MRPS27: variants seen among roughly 807,000 people sequenced by gnomAD.
The protein encoded by MRPS27 is mitochondrial ribosomal protein S27.
A neutral mutation model predicts 48.9 loss-of-function variants in MRPS27; 43 were observed. That is an observed-to-expected ratio of 0.88 (90% confidence interval 0.69 to 1.13). The LOEUF (loss-of-function observed/expected upper bound fraction) is 1.13. Ranked by LOEUF, MRPS27 falls within the 50% of genes most tolerant of loss-of-function variation. MRPS27 has a pLI of 0.00. For missense variants in MRPS27, 467 were observed against 476.3 expected (o/e 0.98, Z 0.18); for synonymous variants, 188 against 171.9 (o/e 1.09, Z -0.73).
Position 72,237,694 on chromosome 5 carries a change from A to G in MRPS27, c.396+320T>C, listed in dbSNP as rs537436666. Among the ~76,000 whole-genome samples the G allele has an allele frequency of 5.9e-5, 9 of 152,232 alleles. No homozygotes were observed. The South Asian group carries it at 1.7e-3, about 28-fold the overall frequency. The stretch of plus-strand genomic sequence containing the variant: ...AGCAACATGGTCATGTTTTTCCCCT[A>G]TACTTCACCAGAAGGAAACAGGCAA... On this transcript the variant is annotated intron_variant, in intron 5 of 10. Coordinates refer to ENST00000261413, the MANE Select transcript of MRPS27 (RefSeq NM_015084.3).
intron 5 of MRPS27, among the ~76,000 whole-genome samples, chr5:72,236,475 A>G (rs1032946360): frequency 6.6e-6 from 1 of 152,158 alleles, no homozygotes; most frequent in Non-Finnish European, 1.5e-5. Flanking sequence ...GAAGCAGCAA[A>G]AATTCTAGAC....
At chr5:72,311,484 T>C (rs912454179) in intron 2 of MRPS27, among the ~76,000 whole-genome samples, 3 of 152,230 alleles carry the variant, frequency 2.0e-5, no homozygotes, top group African/African-American at 7.2e-5. Context: ...CAGTGGATCA[T>C]AAGGGCTCTC....
chr5:72,258,037 CAG>C (rs1748858157), intron 4 of MRPS27, among the ~76,000 whole-genome samples: 1 of 140,608 alleles, frequency 7.1e-6, no homozygotes, highest in Admixed American at 7.8e-5. Context: ...TGAGCCACGA[CAG>C]GGCCACTGCA....
intron 4 of MRPS27, among the ~76,000 whole-genome samples, chr5:72,250,461 C>A (rs776963474): frequency 6.6e-6 from 1 of 152,094 alleles, no homozygotes; most frequent in Non-Finnish European, 1.5e-5. Flanking sequence ...AAAGAAGTGA[C>A]AAAATTACTG....
rs543278627 is a variant in MRPS27, at chr5:72,297,238, A to G, written c.222+394T>C. 7.9e-5 allele frequency among the ~76,000 whole-genome samples: 12 copies of G among 152,356 alleles called. No individual in the cohort carries two copies. The South Asian group carries it at 2.3e-3, about 29-fold the overall frequency. ...TCCACCCATCACTCTGCTGCAGTTT[A>G]ACTTTAACATTAATATCCATTCTTT... On this transcript the variant is annotated intron_variant, in intron 3 of 10. Coordinates refer to ENST00000261413, the MANE Select transcript of MRPS27 (RefSeq NM_015084.3).
At chr5:72,271,586 C>A (rs537405064) in intron 4 of MRPS27, among the ~76,000 whole-genome samples, 1 of 152,168 alleles carries the variant, frequency 6.6e-6, no homozygotes, top group African/African-American at 2.4e-5. Context: ...AATGTGTGAT[C>A]CTGGTTTGGA....
At chr5:72,318,876 A>C (rs1750647013) in intron 1 of MRPS27, among the ~76,000 whole-genome samples, 1 of 151,962 alleles carries the variant, frequency 6.6e-6, no homozygotes, top group African/African-American at 2.4e-5. Flanking sequence ...CACGGAAACC[A>C]CATAAACAGA....
At chr5:72,269,020 A>G (rs1042323842) in intron 4 of MRPS27, among the ~76,000 whole-genome samples, 3 of 152,190 alleles carry the variant, frequency 2.0e-5, no homozygotes, top group East Asian at 3.8e-4. Flanking sequence ...GATGGGGAGA[A>G]GGAGGGAAGG....
At chr5:72,291,510 C>T (rs547775321) in intron 4 of MRPS27, among the ~76,000 whole-genome samples, 165 of 152,222 alleles carry the variant, frequency 1.1e-3, no homozygotes, top group African/African-American at 3.9e-3. Flanking sequence ...GGTTTAATTA[C>T]TAACATAATT....
In MRPS27 at chr5:72,274,306, A is replaced by G. The variant is rs373707872; in HGVS notation, c.281+21225T>C. 5.8e-4 allele frequency among the ~76,000 whole-genome samples: 88 copies of G among 152,360 alleles called. 1 individual carries two copies. The South Asian group carries it at 0.015, about 27-fold the overall frequency. On this transcript the variant is annotated intron_variant, in intron 4 of 10. Transcript: ENST00000261413. ...GAGGCAGAGGTTGCAGTGAGCAGAG[A>G]TCGCTCCACTGCACTCCAGCCTGGG...
At chr5:72,288,137 G>C (rs1749722720) in intron 4 of MRPS27, among the ~76,000 whole-genome samples, 1 of 151,986 alleles carries the variant, frequency 6.6e-6, no homozygotes, top group African/African-American at 2.4e-5. Context: ...CTCTTCCTAT[G>C]ATGAGGCTCC....
intron 4 of MRPS27, among the ~76,000 whole-genome samples, chr5:72,261,015 C>T (rs937549323): frequency 2.6e-5 from 4 of 151,892 alleles, no homozygotes; most frequent in South Asian, 2.1e-4. Flanking sequence ...AGGCGTGTGT[C>T]ACCATGCCAG....
At chr5:72,274,122 G>C (rs1749315207) in intron 4 of MRPS27, among the ~76,000 whole-genome samples, 1 of 152,160 alleles carries the variant, frequency 6.6e-6, no homozygotes, top group Admixed American at 6.5e-5. Flanking sequence ...AGGAGGCTGA[G>C]ATGGGCAGAT....
intron 4 of MRPS27, among the ~76,000 whole-genome samples, chr5:72,291,214 G>A (rs911811779): frequency 3.3e-5 from 5 of 152,066 alleles, no homozygotes; most frequent in Admixed American, 1.3e-4. Flanking sequence ...TTTGTAAGAA[G>A]AGAAAACAAA....
intron 4 of MRPS27, among the ~76,000 whole-genome samples, chr5:72,287,277 C>G (rs954276094): frequency 1.3e-5 from 2 of 151,958 alleles, no homozygotes; most frequent in African/African-American, 4.8e-5. Flanking sequence ...GGTTGGTGAC[C>G]CCTACCTTAG....
intron 4 of MRPS27, among the ~76,000 whole-genome samples, chr5:72,267,842 A>C (rs2112012355): frequency 6.6e-6 from 1 of 152,342 alleles, no homozygotes; most frequent in East Asian, 1.9e-4. Context: ...TAAGAAAAAA[A>C]AAAAGTATGC....
At chr5:72,258,389 G>C (rs1387813857) in intron 4 of MRPS27, among the ~76,000 whole-genome samples, 1 of 152,150 alleles carries the variant, frequency 6.6e-6, no homozygotes, top group Non-Finnish European at 1.5e-5. Flanking sequence ...GACTGAATAT[G>C]AATCACCTTG....
chr5:72,226,095 C>G lies in MRPS27; in HGVS notation c.799G>C (p.Ala267Pro). The stretch of plus-strand genomic sequence containing the variant: ...AGCTTTATGTCTTCTGGGGAGGCAG[C>G]CACTTTCTCCATCACTTGAAGGGCT... ...DRALQVMEKV[A>P]ASPEDIKLCR... The change falls in exon 9 of 11, where the codon GCT (alanine) becomes CCT (proline). Residue 267 changes from alanine to proline, a missense_variant. Coordinates refer to ENST00000261413, the MANE Select transcript of MRPS27 (RefSeq NM_015084.3). The G allele has an allele frequency of 6.2e-7, 1 of 1,613,722 alleles. No individual in the cohort carries two copies. The highest frequency in any genetic ancestry group is 8.5e-7 in the Non-Finnish European group (1 of 1,179,770).
At chr5:72,236,794 C>T (rs967127388) in intron 5 of MRPS27, among the ~76,000 whole-genome samples, 3 of 152,130 alleles carry the variant, frequency 2.0e-5, no homozygotes, top group Non-Finnish European at 4.4e-5. Context: ...CCCATCTCCA[C>T]GTGCAAGCAT....
Sources: gnomAD v4.1 joint callset for allele counts (sites outside exome capture counted in the v4.1 genomes callset) on GRCh38, gnomAD v4.1.1 for gene constraint, MANE v1.5 for transcripts, NCBI Gene and HGNC (gene_info 2026-07-23, HGNC 2026-07-21) for gene names.